Variants in KCNN3 observed in about 807,000 individuals in gnomAD.
The protein encoded by KCNN3 is potassium calcium-activated channel subfamily N member 3.
KCNN3 carries 16 observed loss-of-function variants against 62.9 expected under a neutral mutation model. The ratio of observed to expected loss-of-function variants is 0.25; its 90% CI spans 0.17 to 0.39. The LOEUF (loss-of-function observed/expected upper bound fraction) is 0.39. Ranked by LOEUF, KCNN3 falls within the 10% of genes least tolerant of loss-of-function variation. The pLI, the probability that KCNN3 is intolerant of heterozygous loss-of-function variation, is 1.00. For synonymous variants in KCNN3, 370 were observed against 389.2 expected (o/e 0.95, Z 0.58); for missense variants, 599 against 949.4 (o/e 0.63, Z 4.85).
At chr1:154,753,099 T>C (rs1647464186) in intron 3 of KCNN3, among the ~76,000 whole-genome samples, 1 of 152,238 alleles carries the variant, frequency 6.6e-6, no homozygotes, top group Non-Finnish European at 1.5e-5. Context: ...TACTGGTAAC[T>C]AAGTGGGAAC....
At chr1:154,724,195 G>A (rs1298133352) in intron 5 of KCNN3, among the ~76,000 whole-genome samples, 1 of 152,198 alleles carries the variant, frequency 6.6e-6, no homozygotes, top group Non-Finnish European at 1.5e-5. Context: ...CTGAGAAACT[G>A]GAGAGGCCTT....
rs564726291 is a variant in KCNN3 at position 154,795,452 on chromosome 1, C to T, written c.1030-23059G>A. Reference sequence around the variant, plus strand: ...ACGTGGTAAGGCTTCTCTGAAGGTTCCAGGACCATCAATTCATGTCTGGAA... The same window carrying T: ...ACGTGGTAAGGCTTCTCTGAAGGTTTCAGGACCATCAATTCATGTCTGGAA... On this transcript the variant is annotated intron_variant, in intron 2 of 7. Transcript: ENST00000271915. Among the ~76,000 whole-genome samples, 41 of 152,296 alleles carry T rather than the reference C, an allele frequency of 2.7e-4. No homozygotes were observed. The South Asian group carries it at 8.5e-3, about 32-fold the overall frequency.
intron 1 of KCNN3, among the ~76,000 whole-genome samples, chr1:154,824,983 A>C (rs1400469744): frequency 6.6e-6 from 1 of 152,210 alleles, no homozygotes; most frequent in East Asian, 1.9e-4. Context: ...CATGTCAATA[A>C]AAAAAATTAA....
intron 3 of KCNN3, among the ~76,000 whole-genome samples, chr1:154,754,325 A>G (rs1647528179): frequency 6.6e-6 from 1 of 152,170 alleles, no homozygotes; most frequent in Admixed American, 6.5e-5. Flanking sequence ...AATAAGAACC[A>G]TAGAGCTTGG....
chr1:154,770,176 G>A (rs865963585), intron 3 of KCNN3, among the ~76,000 whole-genome samples: 5 of 152,190 alleles, frequency 3.3e-5, no homozygotes, highest in Admixed American at 2.6e-4. Flanking sequence ...GAGTAATGGC[G>A]AGGTTCTGAA....
chr1:154,765,014 T>C (rs1648192515), intron 3 of KCNN3, among the ~76,000 whole-genome samples: 1 of 152,240 alleles, frequency 6.6e-6, no homozygotes, highest in Non-Finnish European at 1.5e-5. Flanking sequence ...ACTGTTCTAA[T>C]GACTCTGAAT....
intron 1 of KCNN3, among the ~76,000 whole-genome samples, chr1:154,837,179 A>G (rs1651628715): frequency 6.6e-6 from 1 of 152,004 alleles, no homozygotes; most frequent in Non-Finnish European, 1.5e-5. Context: ...GCTCACTGCA[A>G]TCTCTGCCTC....
At chr1:154,822,926 G>A (rs143413284) in intron 1 of KCNN3, among the ~76,000 whole-genome samples, 2 of 152,200 alleles carry the variant, frequency 1.3e-5, no homozygotes, top group Non-Finnish European at 2.9e-5. Context: ...ATGACCTCCG[G>A]GGCCAGACTG....
chr1:154,830,669 G>C (rs1651346352), intron 1 of KCNN3, among the ~76,000 whole-genome samples: 2 of 152,216 alleles, frequency 1.3e-5, no homozygotes, highest in Non-Finnish European at 2.9e-5. Flanking sequence ...GCCACTCCCA[G>C]AAGGAGACGG....
intron 5 of KCNN3, among the ~76,000 whole-genome samples, chr1:154,719,074 G>A (rs201021078): frequency 1.3e-5 from 2 of 152,036 alleles, no homozygotes; most frequent in Non-Finnish European, 2.9e-5. Context: ...TGTCGGTTGC[G>A]GCAAGAATGC....
At chr1:154,755,405 C>G (rs7525464) in intron 3 of KCNN3, among the ~76,000 whole-genome samples, 58,405 of 150,044 alleles carry the variant, frequency 0.39, 11,975 homozygotes, top group African/African-American at 0.52. Flanking sequence ...GGAGTTAAAG[C>G]CTGCAGTGAG....
intron 3 of KCNN3, among the ~76,000 whole-genome samples, chr1:154,747,593 G>T (rs1277009506): frequency 6.6e-6 from 1 of 152,142 alleles, no homozygotes; most frequent in Non-Finnish European, 1.5e-5. Flanking sequence ...TGGAAAGGAA[G>T]GGCCGGGACT....
At chr1:154,822,648 G>A (rs1650949877) in intron 1 of KCNN3, among the ~76,000 whole-genome samples, 2 of 152,374 alleles carry the variant, frequency 1.3e-5, no homozygotes, top group South Asian at 4.1e-4. Context: ...TTCGGAGGCA[G>A]AATTCTTTCA....
intron 2 of KCNN3, among the ~76,000 whole-genome samples, chr1:154,816,681 G>A (rs1655917311): frequency 6.6e-6 from 1 of 152,084 alleles, no homozygotes; most frequent in South Asian, 2.1e-4. Flanking sequence ...CCCAGCTCTG[G>A]GCATCAACAC....
chr1:154,856,188 G>T (rs1652518247), intron 1 of KCNN3, among the ~76,000 whole-genome samples: 1 of 152,210 alleles, frequency 6.6e-6, no homozygotes, highest in Non-Finnish European at 1.5e-5. Context: ...CTGCTAGGAG[G>T]GTTCAGGAGA....
At chr1:154,711,098 G>A (rs994832900) in intron 7 of KCNN3, among the ~76,000 whole-genome samples, 2 of 152,030 alleles carry the variant, frequency 1.3e-5, no homozygotes, top group African/African-American at 2.4e-5. Flanking sequence ...CAACCCAAAT[G>A]TCTGACAATG....
intron 2 of KCNN3, among the ~76,000 whole-genome samples, chr1:154,804,409 T>C (rs1011338385): frequency 6.6e-6 from 1 of 152,266 alleles, no homozygotes; most frequent in African/African-American, 2.4e-5. Flanking sequence ...TTCACGACCA[T>C]GGTGAATCCC....
chr1:154,782,514 T>C (rs1176665427), intron 2 of KCNN3, among the ~76,000 whole-genome samples: 1 of 152,196 alleles, frequency 6.6e-6, no homozygotes, highest in Non-Finnish European at 1.5e-5. Context: ...TGCAGTCCTA[T>C]AGGACTAGAC....
At chr1:154,806,717 T>G (rs558583128) in intron 2 of KCNN3, among the ~76,000 whole-genome samples, 2 of 152,202 alleles carry the variant, frequency 1.3e-5, no homozygotes, top group Non-Finnish European at 2.9e-5. Flanking sequence ...ATAAAAAATG[T>G]AGCAGCTTCA....
Sources: gnomAD v4.1 joint callset for allele counts (sites outside exome capture counted in the v4.1 genomes callset) on GRCh38, gnomAD v4.1.1 for gene constraint, MANE v1.5 for transcripts, NCBI Gene and HGNC (gene_info 2026-07-23, HGNC 2026-07-21) for gene names.